DOCK5: variants seen among roughly 807,000 people sequenced by gnomAD.
The protein encoded by DOCK5 is dedicator of cytokinesis protein 5.
Under a neutral mutation model 251.8 loss-of-function variants are expected in DOCK5, and 142 were observed. The ratio of observed to expected loss-of-function variants is 0.56; its 90% confidence interval spans 0.49 to 0.65. The LOEUF is 0.65. Among genes scored for constraint, DOCK5 ranks in the 30% least tolerant of loss-of-function variants. DOCK5 has a pLI of 0.00. For synonymous variants in DOCK5, 842 were observed against 835.5 expected (o/e 1.01, Z -0.13); for missense variants, 2,111 against 2,312.3 (o/e 0.91, Z 1.79).
intron 27 of DOCK5, among the ~76,000 whole-genome samples, chr8:25,358,247 A>G (rs567215723): frequency 9.4e-4 from 143 of 152,312 alleles, no homozygotes; most frequent in African/African-American, 3.2e-3. Context: ...ATGGCAGAAG[A>G]GGAAGCAAAC....
At chr8:25,387,093 T>C (rs1413342035) in intron 40 of DOCK5, among the ~76,000 whole-genome samples, 1 of 152,142 alleles carries the variant, frequency 6.6e-6, no homozygotes, top group African/African-American at 2.4e-5. Flanking sequence ...TATTTAAAAT[T>C]ACATCATCCT....
chr8:25,251,913 C>T (rs976225254), intron 2 of DOCK5, among the ~76,000 whole-genome samples: 6 of 151,700 alleles, frequency 4.0e-5, no homozygotes, highest in Non-Finnish European at 7.4e-5. Flanking sequence ...CGCTTGAACC[C>T]GGGAGGCAGA....
chr8:25,225,034 A>G (rs953448331), intron 1 of DOCK5, among the ~76,000 whole-genome samples: 2 of 152,236 alleles, frequency 1.3e-5, no homozygotes, highest in African/African-American at 4.8e-5. Context: ...CAAAACCACA[A>G]TGAAATATCA....
Position 25,213,026 on chromosome 8 carries a change from G to T in DOCK5, c.43+28075G>T, listed in dbSNP as rs1440562088. Among the ~76,000 whole-genome samples, 6 of 44,018 alleles carry T rather than the reference G, an allele frequency of 1.4e-4. 2 individuals are homozygous for T. Among genetic ancestry groups the T allele is most frequent in the African/African-American group, 2.8e-4 (6 of 21,650 alleles). 28.9% of individuals were successfully genotyped at this position (44,018 alleles called of 152,430 possible). On this transcript the variant is annotated intron_variant, in intron 1 of 51. Coordinates refer to ENST00000276440, the MANE Select transcript of DOCK5 (RefSeq NM_024940.8). ...CACTGTGAACGGAGTCTTGGAGGTT[G>T]CCTACAATGGTCATGGGTGGACGAG...
intron 1 of DOCK5, among the ~76,000 whole-genome samples, chr8:25,213,825 G>C (rs527939671): frequency 6.6e-6 from 1 of 152,316 alleles, no homozygotes; most frequent in African/African-American, 2.4e-5. Flanking sequence ...CTCTTTAGAT[G>C]CAATAAGAGA....
At position 25,197,982 on chromosome 8, in the gene DOCK5, C is replaced by A. The variant is rs556580256; in HGVS notation, c.43+13031C>A. Among the ~76,000 whole-genome samples the A allele has an allele frequency of 9.9e-5, 15 of 152,086 alleles. No individual in the cohort carries two copies. In the South Asian group the frequency reaches 3.1e-3, roughly 32 times the overall value. ...AGCCAGGATGGTCTCGATCTCCTGA[C>A]GTCGTGATCCGCCTGCGTCGGCCTC... On this transcript the variant is annotated intron_variant, in intron 1 of 51. Transcript: ENST00000276440.
chr8:25,381,351 A>G (rs1801064135), intron 39 of DOCK5, among the ~76,000 whole-genome samples: 1 of 152,194 alleles, frequency 6.6e-6, no homozygotes, highest in Non-Finnish European at 1.5e-5. Context: ...TGGGCTGGGC[A>G]CGGTGGCTCA....
chr8:25,350,506 GAAT>G (rs1355428720), intron 26 of DOCK5, among the ~76,000 whole-genome samples: 2 of 152,198 alleles, frequency 1.3e-5, no homozygotes, highest in African/African-American at 4.8e-5. Context: ...CAGCGAAGTT[GAAT>G]AATTGCTCAA....
At chr8:25,261,891 T>C (rs935723107) in intron 2 of DOCK5, among the ~76,000 whole-genome samples, 3 of 152,250 alleles carry the variant, frequency 2.0e-5, no homozygotes, top group Admixed American at 1.3e-4. Flanking sequence ...TCACTTATTG[T>C]AATGGTTTTT....
chr8:25,254,938 T>C (rs761739830), intron 2 of DOCK5, among the ~76,000 whole-genome samples: 3 of 151,994 alleles, frequency 2.0e-5, no homozygotes, highest in Non-Finnish European at 4.4e-5. Flanking sequence ...CCATATGGCA[T>C]GTAAGTGTGT....
chr8:25,227,262 A>G (rs1802555210), intron 1 of DOCK5, among the ~76,000 whole-genome samples: 1 of 152,174 alleles, frequency 6.6e-6, no homozygotes, highest in African/African-American at 2.4e-5. Flanking sequence ...GCAGGTAGAA[A>G]ATGGCTTGCT....
Position 25,278,630 on chromosome 8 carries a change from C to G in DOCK5, c.286C>G (p.Arg96Gly). The change falls in exon 5 of 52, where the codon CGA (arginine) becomes GGA (glycine). Residue 96 changes from arginine to glycine, a missense_variant. Arg to Gly is a moderately radical substitution (Grantham distance 125). Around this residue, in one of 3 missense-constraint regions of DOCK5, gnomAD observed 335 missense variants for 324.9 expected, o/e 1.03. Coordinates refer to ENST00000276440, the MANE Select transcript of DOCK5 (RefSeq NM_024940.8). Reference sequence around the variant, plus strand: ...GGTGCAGGAGCTCACGTCCACTCTGCGAGAATGGGCTGTCATCTGGCGAAA... The same window carrying G: ...GGTGCAGGAGCTCACGTCCACTCTGGGAGAATGGGCTGTCATCTGGCGAAA... ...PLVQELTSTL[R>G]EWAVIWRKLY... The G allele has an allele frequency of 6.2e-7, 1 of 1,613,926 alleles. No individual in the cohort carries two copies. Among genetic ancestry groups the G allele is most frequent in the Non-Finnish European group, 8.5e-7 (1 of 1,179,866 alleles).
chr8:25,394,618 G>T (rs1457145218), intron 44 of DOCK5, among the ~76,000 whole-genome samples: 1 of 152,074 alleles, frequency 6.6e-6, no homozygotes, highest in Admixed American at 6.6e-5. Context: ...AAGTGACTCA[G>T]ATCTGATATC....
In DOCK5 at chr8:25,296,665, G is replaced by A; in HGVS notation, c.606+17G>A. On this transcript the variant is annotated intron_variant, in intron 7 of 51. Coordinates refer to ENST00000276440, the MANE Select transcript of DOCK5 (RefSeq NM_024940.8). ...GAAGAGAAGGTACAGTTCCTCAAAT[G>A]TGAAATTCTGCCCACTGAGGTTCCA... The A allele has an allele frequency of 2.5e-6, 4 of 1,611,048 alleles. No individual in the cohort carries two copies. The highest frequency in any genetic ancestry group is 3.4e-6 in the Non-Finnish European group (4 of 1,178,438).
intron 38 of DOCK5, among the ~76,000 whole-genome samples, chr8:25,380,050 T>C (rs951626471): frequency 3.3e-5 from 5 of 152,306 alleles, no homozygotes; most frequent in Middle Eastern, 3.4e-3. Context: ...GGGCGACACA[T>C]GGTACTTATT....
rs149516003 is a variant in DOCK5 at position 25,396,030 on chromosome 8, C to T, written c.4704+311C>T. Among the ~76,000 whole-genome samples, 31 of 152,230 alleles carry T rather than the reference C, an allele frequency of 2.0e-4. No individual in the cohort carries two copies. The South Asian group carries it at 3.7e-3, about 18-fold the overall frequency. ...TGATTGGTGGACCCCAGAACCCAGG[C>T]GCACTGGAAATGAAGCAGCATCTCT... On this transcript the variant is annotated intron_variant, in intron 45 of 51. Transcript: ENST00000276440.
chr8:25,363,200 G>C, intron 29 of DOCK5, 59 bp downstream of exon 29: 1 of 1,417,076 alleles, frequency 7.1e-7, no homozygotes, highest in Non-Finnish European at 9.9e-7. Flanking sequence ...GCTGCTGTGT[G>C]AACTTTGGGA....
intron 1 of DOCK5, among the ~76,000 whole-genome samples, chr8:25,216,119 G>A (rs1802238076): frequency 6.6e-6 from 1 of 150,946 alleles, no homozygotes; most frequent in Admixed American, 6.6e-5. Context: ...TATACAATAT[G>A]TATGTATACA....
Position 25,377,433 on chromosome 8 carries a change from T to C in DOCK5, c.3936+9T>C. On this transcript the variant is annotated intron_variant, in intron 38 of 51. Coordinates refer to ENST00000276440, the MANE Select transcript of DOCK5 (RefSeq NM_024940.8). ...ATTTCGACAAAGGCAAAGTGAGTAT[T>C]GGATTGTTTTTGTACTAGGGGAAAG... is the stretch of plus-strand genomic sequence containing the variant. 6.2e-7 allele frequency: 1 copy of C among 1,612,122 alleles called. No homozygotes were observed. The highest frequency in any genetic ancestry group is 8.5e-7 in the Non-Finnish European group (1 of 1,179,104).
Sources: gnomAD v4.1 joint callset for allele counts (sites outside exome capture counted in the v4.1 genomes callset) on GRCh38, gnomAD v4.1.1 for gene constraint, gnomAD v4.1.1 regional missense constraint, MANE v1.5 for transcripts, NCBI Gene and HGNC (gene_info 2026-07-23, HGNC 2026-07-21) for gene names.